Variants in RAB3GAP2 observed in about 807,000 individuals in gnomAD.
RAB3GAP2 encodes the protein rab3 GTPase-activating protein non-catalytic subunit.
RAB3GAP2 carries 87 observed loss-of-function variants against 185.3 expected under a neutral mutation model. The ratio of observed to expected loss-of-function variants is 0.47; its 90% CI spans 0.39 to 0.56. The LOEUF is 0.56. Among genes scored for constraint, RAB3GAP2 ranks in the 20% least tolerant of loss-of-function variants. The pLI, the probability that RAB3GAP2 is intolerant of heterozygous loss-of-function variation, is 0.00. For synonymous variants in RAB3GAP2, 554 were observed against 576.1 expected (o/e 0.96, Z 0.55); for missense variants, 1,492 against 1,638.2 (o/e 0.91, Z 1.54).
chr1:220,205,592 G>C (rs1326503959), intron 8 of RAB3GAP2, among the ~76,000 whole-genome samples: 1 of 152,168 alleles, frequency 6.6e-6, no homozygotes, highest in Non-Finnish European at 1.5e-5. Context: ...GTCAATACTA[G>C]GGTTGGTTGT....
chr1:220,166,917 C>T (rs1280561712), intron 26 of RAB3GAP2, among the ~76,000 whole-genome samples: 1 of 152,096 alleles, frequency 6.6e-6, no homozygotes, highest in African/African-American at 2.4e-5. Flanking sequence ...TGCAGGAATT[C>T]AGAAGGAAAT....
chr1:220,202,431 A>C lies in RAB3GAP2; in HGVS notation c.713-57T>G, dbSNP rs969445946. ...TATTATGGATAAAATGAAGTTTTAC[A>C]AAAAAACATTAAAACCATACTAATT... On this transcript the variant is annotated intron_variant, in intron 8 of 34. Coordinates refer to ENST00000358951, the MANE Select transcript of RAB3GAP2 (RefSeq NM_012414.4). The C allele has an allele frequency of 9.6e-5, 148 of 1,533,888 alleles. No individual in the cohort carries two copies. The East Asian group carries it at 3.3e-3, about 34-fold the overall frequency.
Position 220,151,767 on chromosome 1 carries a change from G to C in RAB3GAP2, c.3868-3C>G. The stretch of plus-strand genomic sequence containing the variant: ...TTGTCATGAACCTGTAGAATGGCCT[G>C]AAGATAGGAACATGGAGAAATAATA... On this transcript the variant is annotated splice_region_variant and splice_polypyrimidine_tract_variant and intron_variant, in intron 33 of 34. Transcript: ENST00000358951. 6.2e-7 allele frequency: 1 copy of C among 1,601,180 alleles called. No homozygotes were observed. The highest frequency in any genetic ancestry group is 8.6e-7 in the Non-Finnish European group (1 of 1,168,314).
chr1:220,193,147 A>G (rs1658656151), intron 13 of RAB3GAP2, 93 bp downstream of exon 13: 2 of 1,466,254 alleles, frequency 1.4e-6, no homozygotes, highest in Non-Finnish European at 1.9e-6. Flanking sequence ...AATTAAACAG[A>G]GTTATCATCC....
At chr1:220,173,579 T>C (rs896147790) in intron 21 of RAB3GAP2, among the ~76,000 whole-genome samples, 2 of 152,236 alleles carry the variant, frequency 1.3e-5, no homozygotes, top group African/African-American at 4.8e-5. Flanking sequence ...AGTGAATTTA[T>C]GAGGACGACT....
chr1:220,269,629 G>A (rs1660298898), intron 1 of RAB3GAP2, among the ~76,000 whole-genome samples: 1 of 152,138 alleles, frequency 6.6e-6, no homozygotes, highest in Non-Finnish European at 1.5e-5. Context: ...GGCTGAGGCA[G>A]AAGAATTACT....
At chr1:220,182,494 T>C in intron 20 of RAB3GAP2, 140 bp from the exon 21 acceptor site, 1 of 1,484,636 alleles carries the variant, frequency 6.7e-7, no homozygotes, top group Non-Finnish European at 9.0e-7. Context: ...TTGCTTGATT[T>C]ATTAAAGCAG....
At chr1:220,192,692 G>C (rs1270658463) in intron 13 of RAB3GAP2, among the ~76,000 whole-genome samples, 1 of 152,188 alleles carries the variant, frequency 6.6e-6, no homozygotes, top group African/African-American at 2.4e-5. Context: ...CTGTCTATGA[G>C]AACCTTGAGT....
chr1:220,213,105 T>C, intron 3 of RAB3GAP2, 137 bp from the exon 4 acceptor site: 2 of 598,620 alleles, frequency 3.3e-6, no homozygotes, highest in Non-Finnish European at 5.9e-6. Flanking sequence ...GGGTCTTTTT[T>C]ATAGGTAAAT....
In RAB3GAP2 at chr1:220,202,362, C is replaced by A; in HGVS notation, c.725G>T (p.Gly242Val). 6.2e-7 allele frequency: 1 copy of A among 1,613,450 alleles called. No homozygotes were observed. Among genetic ancestry groups the A allele is most frequent in the South Asian group, 1.1e-5 (1 of 91,060 alleles). ...RNQVAKAAAS[G>V]NENIQPPPLA... ...TGGTGGTGGTTGTATGTTCTCATTG[C>A]CTGATGCTGCAGCTACCAAAGATAA... is the stretch of plus-strand genomic sequence containing the variant. The change falls in exon 9 of 35, where the codon GGC becomes GTC. Residue 242 changes from glycine (G) to valine (V), a missense_variant. This residue lies in a region of RAB3GAP2 where 243 missense variants were observed against 314.8 expected (regional missense o/e 0.77). Coordinates refer to ENST00000358951, the MANE Select transcript of RAB3GAP2 (RefSeq NM_012414.4).
At chr1:220,157,558 G>A (rs1247416632) in intron 30 of RAB3GAP2, 70 bp from the exon 31 acceptor site, 4 of 1,494,838 alleles carry the variant, frequency 2.7e-6, no homozygotes, top group Non-Finnish European at 3.7e-6. Flanking sequence ...ATCCCAATGA[G>A]TTTATTAGCA....
At chr1:220,272,143 G>C in intron 1 of RAB3GAP2, 80 bp downstream of exon 1, 1 of 1,226,022 alleles carries the variant, frequency 8.2e-7, no homozygotes, top group Non-Finnish European at 1.2e-6. Flanking sequence ...AGGAGGCGCA[G>C]AGCGAGTAGG....
chr1:220,172,410 T>A (rs188533344), intron 22 of RAB3GAP2, among the ~76,000 whole-genome samples: 93 of 152,326 alleles, frequency 6.1e-4, no homozygotes, highest in Admixed American at 1.3e-3. Context: ...AGATGTATTG[T>A]TCAAATCATG....
rs12084333 is a variant in RAB3GAP2 at position 220,199,039 on chromosome 1, C to A, written c.812-2641G>T. Among the ~76,000 whole-genome samples the A allele has an allele frequency of 2.3e-3, 352 of 152,136 alleles. 4 individuals are homozygous for A. Among genetic ancestry groups the A allele is most frequent in the African/African-American group, 7.7e-3 (318 of 41,480 alleles). On this transcript the variant is annotated intron_variant, in intron 9 of 34. Coordinates refer to ENST00000358951, the MANE Select transcript of RAB3GAP2 (RefSeq NM_012414.4). ...TGTGTCTGAGGAACACAAAGGAGAT[C>A]TACATGATGAAACACAATGAACAGG...
At chr1:220,210,741 G>T in intron 6 of RAB3GAP2, 60 bp downstream of exon 6, 1 of 1,457,024 alleles carries the variant, frequency 6.9e-7, no homozygotes, top group Non-Finnish European at 9.5e-7. Context: ...GTATAAAGGT[G>T]ATGCATAACC....
intron 2 of RAB3GAP2, chr1:220,219,646 C>A (rs1197493301): frequency 6.6e-6 from 1 of 152,108 alleles, no homozygotes; most frequent in African/African-American, 2.4e-5. Context: ...AAATACAAAC[C>A]AAGAATAAAG....
At position 220,183,225 on chromosome 1, in the gene RAB3GAP2, CT is replaced by C. The variant is rs537563708; in HGVS notation, c.1999-295del. 1.5e-4 allele frequency among the ~76,000 whole-genome samples: 22 copies of C among 151,088 alleles called. 1 individual carries two copies. In the South Asian group the frequency reaches 4.6e-3, roughly 32 times the overall value. On this transcript the variant is annotated intron_variant, in intron 19 of 34. Coordinates refer to ENST00000358951, the MANE Select transcript of RAB3GAP2 (RefSeq NM_012414.4). ...CATTTTAGGATATTTCTTGAGGGTA[CT>C]TTATTATCTTCTAGAATGTTAGCAT...
Position 220,272,438 on chromosome 1 carries a change from C to T in RAB3GAP2, c.-101G>A. On this transcript the variant is annotated 5_prime_UTR_variant, in exon 1 of 35. Coordinates refer to ENST00000358951, the MANE Select transcript of RAB3GAP2 (RefSeq NM_012414.4). ...CCGAGCCCCAATAGCTCTAGCCAAG[C>T]AGAAGGCGGAGAAACCAAACCGGAA... 1 of 778,914 alleles carries T rather than the reference C, an allele frequency of 1.3e-6. No individual in the cohort carries two copies. Among genetic ancestry groups the T allele is most frequent in the Admixed American group, 2.0e-5 (1 of 49,108 alleles). 48.3% of individuals were successfully genotyped at this position (778,914 alleles called of 1,614,324 possible). A position where few individuals can be genotyped will look rare whatever the true frequency, so the allele number is the denominator to read the frequency against.
intron 22 of RAB3GAP2, 26 bp from the exon 23 acceptor site, chr1:220,172,075 A>T (rs1490999685): frequency 3.1e-6 from 5 of 1,612,652 alleles, no homozygotes; most frequent in Non-Finnish European, 4.2e-6. Context: ...AAAACAGAAA[A>T]ATAAACTCTT....
Sources: gnomAD v4.1 joint callset for allele counts (sites outside exome capture counted in the v4.1 genomes callset) on GRCh38, gnomAD v4.1.1 for gene constraint, gnomAD v4.1.1 regional missense constraint, MANE v1.5 for transcripts, NCBI Gene and HGNC (gene_info 2026-07-23, HGNC 2026-07-21) for gene names.